Variants in ZCCHC7 observed in about 807,000 individuals in gnomAD.
The protein encoded by ZCCHC7 is zinc finger CCHC-type containing 7, also known as zinc finger CCHC domain-containing protein 7.
A neutral mutation model predicts 52.0 loss-of-function variants in ZCCHC7; 35 were observed. That is an observed-to-expected ratio of 0.67 (90% confidence interval 0.51 to 0.89). The LOEUF is 0.89. Among genes scored for constraint, ZCCHC7 ranks in the 40% least tolerant of loss-of-function variants. ZCCHC7 has a pLI of 0.00. For missense variants in ZCCHC7, 574 were observed against 649.1 expected, an observed-to-expected ratio of 0.88 and a Z score of 1.26; for synonymous variants, 217 against 221.5, an observed-to-expected ratio of 0.98 and a Z score of 0.18.
intron 2 of ZCCHC7, among the ~76,000 whole-genome samples, chr9:37,217,671 T>C (rs1224816115): frequency 3.3e-5 from 5 of 152,200 alleles, no homozygotes; most frequent in Middle Eastern, 3.2e-3. Flanking sequence ...TCCATGCTCT[T>C]GTCTAATTTT....
At chr9:37,328,254 C>T (rs1367608295) in intron 6 of ZCCHC7, among the ~76,000 whole-genome samples, 2 of 151,910 alleles carry the variant, frequency 1.3e-5, no homozygotes, top group African/African-American at 4.8e-5. Context: ...TTCAATGAAC[C>T]TAGAAAAAGC....
chr9:37,246,454 G>A (rs1461798997), intron 2 of ZCCHC7, among the ~76,000 whole-genome samples: 1 of 152,088 alleles, frequency 6.6e-6, no homozygotes, highest in African/African-American at 2.4e-5. Context: ...AATTCATTAT[G>A]TTTCAAATGT....
At chr9:37,143,619 T>C (rs1843320690) in intron 2 of ZCCHC7, among the ~76,000 whole-genome samples, 1 of 151,728 alleles carries the variant, frequency 6.6e-6, no homozygotes, top group Non-Finnish European at 1.5e-5. Context: ...GGTGGAAATA[T>C]CTATGCCATT....
intron 2 of ZCCHC7, among the ~76,000 whole-genome samples, chr9:37,254,395 A>C (rs1826472934): frequency 6.6e-6 from 1 of 151,954 alleles, no homozygotes. Context: ...AAATGCTGTT[A>C]ACCCTTTATA....
chr9:37,334,659 G>A (rs1830575219), intron 6 of ZCCHC7, among the ~76,000 whole-genome samples: 1 of 151,940 alleles, frequency 6.6e-6, no homozygotes, highest in Admixed American at 6.6e-5. Flanking sequence ...AGAAATTCAA[G>A]GGTGTTATGT....
At chr9:37,171,290 G>T (rs943096694) in intron 2 of ZCCHC7, among the ~76,000 whole-genome samples, 1 of 152,186 alleles carries the variant, frequency 6.6e-6, no homozygotes, top group African/African-American at 2.4e-5. Context: ...GAGAACCAAG[G>T]TGGCAGAATT....
chr9:37,188,544 TC>T (rs1368374981), intron 2 of ZCCHC7, among the ~76,000 whole-genome samples: 26 of 41,120 alleles, frequency 6.3e-4, no homozygotes, highest in African/African-American at 2.7e-3. Context: ...CTTATTACCC[TC>T]CCCCCTCACC....
intron 2 of ZCCHC7, among the ~76,000 whole-genome samples, chr9:37,281,309 C>A (rs1054661900): frequency 6.6e-6 from 1 of 152,216 alleles, no homozygotes; most frequent in Non-Finnish European, 1.5e-5. Context: ...AGCCACCACA[C>A]CTGCCCTCTA....
chr9:37,337,680 A>T (rs1427498692), intron 6 of ZCCHC7, among the ~76,000 whole-genome samples: 4 of 152,126 alleles, frequency 2.6e-5, no homozygotes, highest in Non-Finnish European at 2.9e-5. Context: ...ATAAAAAGGA[A>T]ATACATTTTT....
Position 37,357,283 on chromosome 9 carries a change from T to G in ZCCHC7, c.*15T>G. The G allele has an allele frequency of 1.3e-6, 2 of 1,569,780 alleles. No individual in the cohort carries two copies. The highest frequency in any genetic ancestry group is 1.7e-6 in the Non-Finnish European group (2 of 1,164,864). ...AAAAGTCTTAAGCCGTCAGGCAGCCTCTGATGTGGCTTTTCATTGTTCATT... is the reference window on the plus strand; with the variant it reads ...AAAAGTCTTAAGCCGTCAGGCAGCCGCTGATGTGGCTTTTCATTGTTCATT... On this transcript the variant is annotated 3_prime_UTR_variant, in exon 9 of 9. Coordinates refer to ENST00000336755, the MANE Select transcript of ZCCHC7 (RefSeq NM_032226.3).
At chr9:37,195,873 C>T (rs1823263320) in intron 2 of ZCCHC7, among the ~76,000 whole-genome samples, 1 of 151,980 alleles carries the variant, frequency 6.6e-6, no homozygotes. Context: ...ATTAGAGTCA[C>T]CACGATTTAA....
At chr9:37,341,134 G>A (rs958328668) in intron 6 of ZCCHC7, among the ~76,000 whole-genome samples, 4 of 152,124 alleles carry the variant, frequency 2.6e-5, no homozygotes, top group Non-Finnish European at 4.4e-5. Context: ...GGTACTGTAA[G>A]ACTGAGTTCC....
intron 2 of ZCCHC7, among the ~76,000 whole-genome samples, chr9:37,265,399 G>A (rs1035120553): frequency 6.6e-6 from 1 of 152,152 alleles, no homozygotes; most frequent in Admixed American, 6.5e-5. Flanking sequence ...CACTGTCAGA[G>A]ATCACGAAAG....
At chr9:37,186,742 G>GAA in intron 2 of ZCCHC7, 1 of 577,496 alleles carries the variant, frequency 1.7e-6, no homozygotes, top group Non-Finnish European at 3.3e-6. Flanking sequence ...GAACTAACAA[G>GAA]ATGAATTAAA....
intron 5 of ZCCHC7, among the ~76,000 whole-genome samples, chr9:37,321,093 A>C (rs2118018319): frequency 6.8e-6 from 1 of 146,550 alleles, no homozygotes; most frequent in South Asian, 2.1e-4. Flanking sequence ...GGTTCAAGCG[A>C]TTCTCCTGCC....
At chr9:37,327,877 A>G (rs199876653) in intron 6 of ZCCHC7, 43 bp downstream of exon 6, 5 of 1,602,792 alleles carry the variant, frequency 3.1e-6, no homozygotes, top group South Asian at 2.2e-5. Context: ...GACCTAGCCT[A>G]TTTACCCTTC....
intron 2 of ZCCHC7, among the ~76,000 whole-genome samples, chr9:37,277,555 A>T (rs990890892): frequency 6.6e-6 from 1 of 152,204 alleles, no homozygotes; most frequent in Non-Finnish European, 1.5e-5. Flanking sequence ...GTGGGCAGAA[A>T]CTCACAGGAA....
chr9:37,326,576 T>C (rs1830251247), intron 5 of ZCCHC7, among the ~76,000 whole-genome samples: 1 of 151,806 alleles, frequency 6.6e-6, no homozygotes, highest in African/African-American at 2.4e-5. Context: ...TCAGCATAGA[T>C]ATGTTTCAGC....
intron 2 of ZCCHC7, among the ~76,000 whole-genome samples, chr9:37,274,674 G>T (rs1325913189): frequency 1.3e-5 from 2 of 150,634 alleles, no homozygotes; most frequent in African/African-American, 5.0e-5. Context: ...CTGTTTAAAA[G>T]TTTTTAATGT....
Sources: gnomAD v4.1 joint callset for allele counts (sites outside exome capture counted in the v4.1 genomes callset) on GRCh38, gnomAD v4.1.1 for gene constraint, MANE v1.5 for transcripts, NCBI Gene and HGNC (gene_info 2026-07-23, HGNC 2026-07-21) for gene names.